TDRD12: variants seen among roughly 807,000 people sequenced by gnomAD.
TDRD12 encodes the protein tudor domain containing 12, also known as putative ATP-dependent RNA helicase TDRD12.
A neutral mutation model predicts 133.5 loss-of-function variants in TDRD12; 158 were observed. The ratio of observed to expected loss-of-function variants is 1.18; its 90% CI spans 1.04 to 1.35. The LOEUF is 1.35. Among genes scored for constraint, TDRD12 ranks in the 40% most tolerant of loss-of-function variants. TDRD12 has a pLI of 0.00. For synonymous variants in TDRD12, 460 were observed against 477.9 expected (o/e 0.96, Z 0.49); for missense variants, 1,443 against 1,321.3 (o/e 1.09, Z -1.43).
Position 32,745,805 on chromosome 19 carries a change from T to C in TDRD12, c.441-2671T>C, listed in dbSNP as rs552090606. On this transcript the variant is annotated intron_variant, in intron 4 of 27. Transcript: ENST00000444215. ...TGATGTCATTCTGTGTGTGTGTGTG[T>C]GTGTGTGTGAGAGAGAAGGAGAGAG... Among the ~76,000 whole-genome samples the C allele has an allele frequency of 8.0e-5, 11 of 137,396 alleles. No individual in the cohort carries two copies. The East Asian group carries it at 2.3e-3, about 28-fold the overall frequency. The allele number at this position is 137,396 out of a possible 152,430, so 90.1% of individuals were successfully genotyped here.
rs1290242641 is a variant in TDRD12, at chr19:32,790,571, G to T, written c.1162G>T (p.Gly388Ter). Residue 388 changes from glycine (G) to a stop codon, truncating the protein, a stop_gained, in exon 12 of 28, where the codon GGA becomes TGA. Coordinates refer to ENST00000444215, the Ensembl canonical transcript of TDRD12. LOFTEE classifies it high-confidence loss of function. ...AAATCCTGATCCTTTGAGAGCTGAC[G>T]GAATCTCTGATCTCCAGCAGGTATT... 2.6e-6 allele frequency: 4 copies of T among 1,551,870 alleles called. No homozygotes were observed. The highest frequency in any genetic ancestry group is 1.7e-6 in the Non-Finnish European group (2 of 1,147,054).
chr19:32,794,725 G>T, exon 14 of TDRD12: 1 of 703,314 alleles, frequency 1.4e-6, no homozygotes, highest in Non-Finnish European at 2.6e-6. Flanking sequence ...ATTTCTCACT[G>T]TGAAAGCAAC....
intron 1 of TDRD12, among the ~76,000 whole-genome samples, chr19:32,728,284 A>G (rs888135901): frequency 5.9e-5 from 9 of 152,028 alleles, no homozygotes; most frequent in Admixed American, 3.9e-4. Context: ...GTGCTTTTCT[A>G]TTTCTGAAAA....
chr19:32,804,260 T>C (rs895877919), intron 21 of TDRD12, among the ~76,000 whole-genome samples: 3 of 151,236 alleles, frequency 2.0e-5, no homozygotes, highest in African/African-American at 7.3e-5. Context: ...TTTTAGTAGA[T>C]ATGGGGTTTC....
At chr19:32,799,204 A>C (rs1971315039) in intron 16 of TDRD12, among the ~76,000 whole-genome samples, 1 of 151,132 alleles carries the variant, frequency 6.6e-6, no homozygotes. Flanking sequence ...CCCAGTTTTG[A>C]GTCCAGGCTT....
chr19:32,818,005 C>CTG, intron 26 of TDRD12, 84 bp from the exon 27 acceptor site: 1 of 698,630 alleles, frequency 1.4e-6, no homozygotes, highest in Non-Finnish European at 2.6e-6. Context: ...CCATGCACTC[C>CTG]AAGCTCTGTC....
chr19:32,729,394 T>C lies in TDRD12; in HGVS notation c.25-2331T>C, dbSNP rs549718889. Among the ~76,000 whole-genome samples the C allele has an allele frequency of 2.6e-5, 4 of 151,566 alleles. No individual in the cohort carries two copies. The South Asian group carries it at 8.4e-4, about 32-fold the overall frequency. ...CACCACGCCCAGCTAATTTTTTGTA[T>C]TTTTAGTAGAGACGGAGTTTCATCG... On this transcript the variant is annotated intron_variant, in intron 1 of 27. Transcript: ENST00000444215.
chr19:32,748,131 A>G (rs954500579), intron 4 of TDRD12, among the ~76,000 whole-genome samples: 1 of 152,144 alleles, frequency 6.6e-6, no homozygotes, highest in Non-Finnish European at 1.5e-5. Flanking sequence ...GACACCCCAC[A>G]CTCAGGATCC....
At chr19:32,743,195 G>T (rs777866035) in intron 4 of TDRD12, among the ~76,000 whole-genome samples, 2 of 152,220 alleles carry the variant, frequency 1.3e-5, no homozygotes, top group African/African-American at 2.4e-5. Flanking sequence ...GTGTACACGC[G>T]CACGCGCGCA....
In TDRD12 at chr19:32,803,120, C is replaced by CTGAA. The variant is rs1225016966; in HGVS notation, c.2531_2534dup (p.Lys845AsnfsTer15). 1 of 1,520,144 alleles carries CTGAA rather than the reference C, an allele frequency of 6.6e-7. No individual in the cohort carries two copies. The highest frequency in any genetic ancestry group is 1.4e-5 in the African/African-American group (1 of 71,736). The allele number at this position is 1,520,144 out of a possible 1,614,324, so 94.2% of individuals were successfully genotyped here. A position where few individuals can be genotyped will look rare whatever the true frequency, so the allele number is the denominator to read the frequency against. On this transcript the variant is annotated frameshift_variant, in exon 21 of 28. Transcript: ENST00000444215. LOFTEE classifies it high-confidence loss of function. Reference sequence around the variant, plus strand: ...AGCCGGAAGGCCTCTTTGTCCATATCTGAAGGCTTTTGGTTTTTGCAAGTG... The same window carrying CTGAA: ...AGCCGGAAGGCCTCTTTGTCCATATCTGAATGAAGGCTTTTGGTTTTTGCAAGTG...
intron 6 of TDRD12, among the ~76,000 whole-genome samples, chr19:32,750,911 C>T (rs1969805380): frequency 6.6e-6 from 1 of 152,220 alleles, no homozygotes; most frequent in Admixed American, 6.5e-5. Flanking sequence ...GGGTTTATGA[C>T]GTCAGTATGT....
chr19:32,748,067 G>A (rs2145508973), intron 4 of TDRD12, among the ~76,000 whole-genome samples: 1 of 152,300 alleles, frequency 6.6e-6, no homozygotes, highest in South Asian at 2.1e-4. Context: ...GACTGCCTGT[G>A]AGGGTGTCGG....
rs1970812042 is a variant in TDRD12 at position 32,782,995 on chromosome 19, T to C, written c.1121+5766T>C. Among the ~76,000 whole-genome samples, 3 of 152,366 alleles carry C rather than the reference T, an allele frequency of 2.0e-5. No homozygotes were observed. The East Asian group carries it at 5.8e-4, about 29-fold the overall frequency. ...AGATTCTATTTGTCAATTTTGACTT[T>C]TGTTGCCATTGCTTTTGGTGTTTTA... On this transcript the variant is annotated intron_variant, in intron 11 of 27. Coordinates refer to ENST00000444215, the Ensembl canonical transcript of TDRD12.
chr19:32,823,610 C>T (rs1403338713), downstream of TDRD12, among the ~76,000 whole-genome samples: 3 of 152,178 alleles, frequency 2.0e-5, no homozygotes, highest in East Asian at 1.9e-4. Flanking sequence ...TTAAAATGCA[C>T]ATACACGTTC....
intron 25 of TDRD12, among the ~76,000 whole-genome samples, chr19:32,814,259 A>T (rs1373650465): frequency 6.6e-6 from 1 of 152,108 alleles, no homozygotes; most frequent in Admixed American, 6.6e-5. Context: ...TGACAAGGAC[A>T]TGTGACTCAC....
At chr19:32,826,126 C>A, downstream of TDRD12, 1 of 1,535,792 alleles carries the variant, frequency 6.5e-7, no homozygotes, top group Non-Finnish European at 8.7e-7. Context: ...CTGAAGGTGC[C>A]TTCATTAGCA....
downstream of TDRD12, among the ~76,000 whole-genome samples, chr19:32,822,131 AAAAC>A (rs1967418685): frequency 6.6e-6 from 1 of 152,050 alleles, no homozygotes; most frequent in Non-Finnish European, 1.5e-5. Flanking sequence ...ACAAAAAACA[AAAAC>A]AAAAACAAAA....
At chr19:32,750,367 G>A (rs1201276834) in intron 6 of TDRD12, among the ~76,000 whole-genome samples, 1 of 152,204 alleles carries the variant, frequency 6.6e-6, no homozygotes, top group African/African-American at 2.4e-5. Flanking sequence ...CCAGGCAGAG[G>A]TGGACAGAAG....
intron 1 of TDRD12, among the ~76,000 whole-genome samples, chr19:32,726,461 T>C (rs11880959): frequency 0.58 from 88,592 of 152,088 alleles, 26,587 homozygotes; most frequent in East Asian, 0.82. Flanking sequence ...AAACTCTGCT[T>C]TCTCTATGAA....
Sources: allele counts gnomAD v4.1 joint callset (sites outside exome capture counted in the v4.1 genomes callset), GRCh38; gene constraint gnomAD v4.1.1; transcripts MANE v1.5; gene names NCBI Gene and HGNC (gene_info 2026-07-23, HGNC 2026-07-21).